The following MTHFD1L variants were observed in gnomAD, a reference collection of about 807,000 sequenced individuals.
MTHFD1L encodes the protein methylenetetrahydrofolate dehydrogenase (NADP+ dependent) 1 like.
A neutral mutation model predicts 119.5 loss-of-function variants in MTHFD1L; 81 were observed. The ratio of observed to expected loss-of-function variants is 0.68; its 90% CI spans 0.57 to 0.82. The LOEUF (loss-of-function observed/expected upper bound fraction) is 0.82. Among genes scored for constraint, MTHFD1L ranks in the 40% least tolerant of loss-of-function variants. The pLI is 0.00. For synonymous variants in MTHFD1L, 430 were observed against 475.2 expected, an observed-to-expected ratio of 0.90 and a Z score of 1.24; for missense variants, 1,125 against 1,253.4, an observed-to-expected ratio of 0.90 and a Z score of 1.55.
chr6:151,041,500 G>C (rs991704863), intron 26 of MTHFD1L, among the ~76,000 whole-genome samples: 4 of 152,304 alleles, frequency 2.6e-5, no homozygotes, highest in African/African-American at 9.6e-5. Flanking sequence ...TTAGGGTGCT[G>C]CTGAAATACA....
At chr6:151,087,400 G>A (rs552675446) in intron 26 of MTHFD1L, among the ~76,000 whole-genome samples, 2 of 152,238 alleles carry the variant, frequency 1.3e-5, no homozygotes, top group Non-Finnish European at 2.9e-5. Flanking sequence ...AAAGAAATAT[G>A]TAGAAGGACT....
chr6:150,972,095 A>T (rs771290896), intron 20 of MTHFD1L, 37 bp downstream of exon 20: 1 of 1,561,522 alleles, frequency 6.4e-7, no homozygotes, highest in South Asian at 1.1e-5. Flanking sequence ...GTTGTAGAAT[A>T]TTGAAGAAAT....
intron 24 of MTHFD1L, among the ~76,000 whole-genome samples, chr6:151,023,824 C>T (rs1784284938): frequency 6.6e-6 from 1 of 152,314 alleles, no homozygotes; most frequent in African/African-American, 2.4e-5. Context: ...AGTCACACTA[C>T]ATGTTGGCCG....
intron 26 of MTHFD1L, among the ~76,000 whole-genome samples, chr6:151,046,545 G>A (rs574348879): frequency 5.3e-4 from 71 of 135,174 alleles, no homozygotes; most frequent in African/African-American, 2.0e-3. Flanking sequence ...TTCATCTACA[G>A]CCTACTTGTT....
intron 20 of MTHFD1L, among the ~76,000 whole-genome samples, chr6:151,003,704 C>T (rs1780960237): frequency 4.6e-5 from 7 of 152,118 alleles, no homozygotes; most frequent in Admixed American, 2.6e-4. Context: ...TAGGCACAAT[C>T]GTAGGGGTTC....
intron 21 of MTHFD1L, among the ~76,000 whole-genome samples, chr6:151,013,563 C>G (rs1044565528): frequency 1.3e-5 from 2 of 152,132 alleles, no homozygotes; most frequent in Non-Finnish European, 2.9e-5. Context: ...AGAACTTCTG[C>G]TTTCATTGGT....
intron 26 of MTHFD1L, among the ~76,000 whole-genome samples, chr6:151,060,628 G>A (rs1584363848): frequency 6.6e-6 from 1 of 152,182 alleles, no homozygotes; most frequent in African/African-American, 2.4e-5. Context: ...ACTCACCAGG[G>A]GTCGAGGGAC....
chr6:150,968,325 A>T (rs1797521008), intron 19 of MTHFD1L, among the ~76,000 whole-genome samples: 1 of 152,140 alleles, frequency 6.6e-6, no homozygotes, highest in Non-Finnish European at 1.5e-5. Flanking sequence ...GACTTGTTGA[A>T]TAATTAAGTG....
chr6:150,884,123 T>G (rs1781818433), intron 5 of MTHFD1L, among the ~76,000 whole-genome samples: 1 of 150,226 alleles, frequency 6.7e-6, no homozygotes, highest in African/African-American at 2.4e-5. Context: ...CTGGACAACA[T>G]AGTGAGACCT....
intron 20 of MTHFD1L, among the ~76,000 whole-genome samples, chr6:150,993,405 C>G (rs1779320973): frequency 6.6e-6 from 1 of 151,874 alleles, no homozygotes; most frequent in African/African-American, 2.4e-5. Flanking sequence ...ACCACAGCCT[C>G]CTCCTCCCAG....
chr6:150,916,806 A>C, intron 8 of MTHFD1L, among the ~76,000 whole-genome samples: 1 of 109,062 alleles, frequency 9.2e-6, no homozygotes, highest in Non-Finnish European at 1.7e-5. Context: ...CTTGTTGCCC[A>C]GGCTGGAGAG....
At chr6:151,067,273 G>A (rs1791420692) in intron 26 of MTHFD1L, among the ~76,000 whole-genome samples, 1 of 151,664 alleles carries the variant, frequency 6.6e-6, no homozygotes. Context: ...ATAAAATCAG[G>A]TTATATTGGT....
At chr6:150,974,943 G>A (rs1184129260) in intron 20 of MTHFD1L, among the ~76,000 whole-genome samples, 7 of 151,810 alleles carry the variant, frequency 4.6e-5, no homozygotes, top group Non-Finnish European at 4.4e-5. Context: ...TCTCCATGTT[G>A]GTCAGTCTGG....
intron 26 of MTHFD1L, among the ~76,000 whole-genome samples, chr6:151,045,698 T>TC (rs1167174694): frequency 1.3e-5 from 2 of 152,152 alleles, no homozygotes; most frequent in East Asian, 3.9e-4. Context: ...GGTTTCCTCC[T>TC]CCCCTCCCAG....
intron 26 of MTHFD1L, among the ~76,000 whole-genome samples, chr6:151,061,040 G>T (rs957595446): frequency 5.9e-5 from 9 of 152,194 alleles, no homozygotes; most frequent in Admixed American, 1.3e-4. Context: ...GAGCGGGGAA[G>T]AGGGAATGCA....
intron 26 of MTHFD1L, among the ~76,000 whole-genome samples, chr6:151,063,094 C>G (rs1790838232): frequency 6.6e-6 from 1 of 152,080 alleles, no homozygotes; most frequent in Non-Finnish European, 1.5e-5. Context: ...TGGCTTTGGT[C>G]TTTGGTGTTA....
intron 4 of MTHFD1L, among the ~76,000 whole-genome samples, chr6:150,878,247 C>G (rs1438608106): frequency 6.7e-6 from 1 of 149,964 alleles, no homozygotes. Context: ...GTTTATTTCT[C>G]TCTCTCTCTC....
rs182800985 is a variant in MTHFD1L, at chr6:151,049,448, C to T, written c.2847+12331C>T. On this transcript the variant is annotated intron_variant, in intron 26 of 27. Transcript: ENST00000367321. ...CGGAGCTTGCAGTGAGCGGAGATCGCGCCACTGCACTCCAGCCTGGGCAAG... is the reference window on the plus strand; with the variant it reads ...CGGAGCTTGCAGTGAGCGGAGATCGTGCCACTGCACTCCAGCCTGGGCAAG... Among the ~76,000 whole-genome samples, 72 of 147,944 alleles carry T rather than the reference C, an allele frequency of 4.9e-4. 1 individual carries two copies. The highest frequency in any genetic ancestry group is 1.5e-3 in the African/African-American group (59 of 40,012).
rs867802760 is a variant in MTHFD1L, at chr6:151,038,783, C to G, written c.2847+1666C>G. ...AGTGGGGGTGAATTGCAGACATACT[C>G]TAAAAGTATCCTCCTACCGTGGGGG... is the stretch of plus-strand genomic sequence containing the variant. On this transcript the variant is annotated intron_variant, in intron 26 of 27. Coordinates refer to ENST00000367321, the MANE Select transcript of MTHFD1L (RefSeq NM_015440.5). 2.0e-5 allele frequency among the ~76,000 whole-genome samples: 3 copies of G among 152,068 alleles called. No individual in the cohort carries two copies. The South Asian group carries it at 6.2e-4, about 31-fold the overall frequency.
Sources: allele counts gnomAD v4.1 joint callset (sites outside exome capture counted in the v4.1 genomes callset), GRCh38; gene constraint gnomAD v4.1.1; transcripts MANE v1.5; gene names NCBI Gene and HGNC (gene_info 2026-07-23, HGNC 2026-07-21).